EIF2S3: variants seen among roughly 807,000 people sequenced by gnomAD.
The protein encoded by EIF2S3 is eukaryotic translation initiation factor 2 subunit 3.
In EIF2S3, 2 loss-of-function variants were observed where a neutral mutation model predicts 31.7. That is an observed-to-expected ratio of 0.06 (90% confidence interval 0.03 to 0.20). The LOEUF is 0.20. Ranked by LOEUF, EIF2S3 falls within the 10% of genes least tolerant of loss-of-function variation. EIF2S3 has a pLI of 1.00. For missense variants in EIF2S3, 96 were observed against 359.3 expected (o/e 0.27, Z 5.92); for synonymous variants, 120 against 126.7 (o/e 0.95, Z 0.36).
intron 7 of EIF2S3, among the ~76,000 whole-genome samples, chrX:24,064,939 A>C (rs1272802382): frequency 8.9e-6 from 1 of 112,016 alleles, no homozygotes; most frequent in Non-Finnish European, 1.9e-5. Context: ...AGGGTGTTAG[A>C]ACTTCCTGAC....
intron 10 of EIF2S3, among the ~76,000 whole-genome samples, chrX:24,072,869 G>A (rs1930693711): frequency 9.0e-6 from 1 of 111,283 alleles, no homozygotes; most frequent in Non-Finnish European, 1.9e-5. Flanking sequence ...GAGGTACTCT[G>A]GTACGGTTAC....
chrX:24,062,332 C>T, intron 5 of EIF2S3, 84 bp from the exon 6 acceptor site: 1 of 1,053,456 alleles, frequency 9.5e-7, no homozygotes. Context: ...CCATAATTTG[C>T]TTTGTCTCTT....
At position 24,077,621 on chromosome X, in the gene EIF2S3, G is replaced by A. The variant is rs1337983273; in HGVS notation, c.*836G>A. The A allele has an allele frequency of 9.0e-6, 1 of 111,422 alleles. No homozygotes were observed. The highest frequency in any genetic ancestry group is 1.9e-5 in the Non-Finnish European group (1 of 53,133). 9.2% of individuals were successfully genotyped at this position (111,422 alleles called of 1,213,427 possible). ...ATTTTGCATGAAAAGGAAATGAATGGATTCGAATGAAATTGTCCTTTAGAG... is the reference window on the plus strand; with the variant it reads ...ATTTTGCATGAAAAGGAAATGAATGAATTCGAATGAAATTGTCCTTTAGAG... On this transcript the variant is annotated 3_prime_UTR_variant, in exon 12 of 12. Transcript: ENST00000253039.
intron 2 of EIF2S3, among the ~76,000 whole-genome samples, chrX:24,056,551 G>C (rs777212022): frequency 1.1e-4 from 12 of 111,893 alleles, no homozygotes; most frequent in African/African-American, 3.6e-4. Flanking sequence ...GGAAATGCTG[G>C]AAGGTTCCTT....
chrX:24,073,366 T>G, intron 11 of EIF2S3, 103 bp downstream of exon 11: 2 of 1,013,843 alleles, frequency 2.0e-6, no homozygotes. Context: ...TACTGTGGCT[T>G]TCAGTCTCAA....
At chrX:24,060,212 T>C in intron 5 of EIF2S3, 30 bp downstream of exon 5, 1 of 1,113,287 alleles carries the variant, frequency 9.0e-7, no homozygotes, top group Non-Finnish European at 1.2e-6. Flanking sequence ...TTTGGACAAA[T>C]CAATGTGGAA....
rs375249551 is a variant in EIF2S3, at chrX:24,077,270, T to C, written c.*485T>C. On this transcript the variant is annotated 3_prime_UTR_variant, in exon 12 of 12. Coordinates refer to ENST00000253039, the MANE Select transcript of EIF2S3 (RefSeq NM_001415.4). ...TATTAGTAGAGACGGGGTTTCAGCA[T>C]GTTGGCTAGGCCGGTCTCTCCTGAC... 8.9e-6 allele frequency: 1 copy of C among 112,118 alleles called. No homozygotes were observed. The allele number at this position is 112,118 out of a possible 1,213,427, so 9.2% of individuals were successfully genotyped here. A position where few individuals can be genotyped will look rare whatever the true frequency, so the allele number is the denominator to read the frequency against.
intron 9 of EIF2S3, among the ~76,000 whole-genome samples, chrX:24,068,763 T>G (rs1930616679): frequency 8.9e-6 from 1 of 111,815 alleles, no homozygotes; most frequent in Non-Finnish European, 1.9e-5. Flanking sequence ...CTTTTATGTA[T>G]ATTTTGCAAA....
chrX:24,057,347 CTT>C, intron 2 of EIF2S3, 72 bp from the exon 3 acceptor site: 1 of 1,138,758 alleles, frequency 8.8e-7, no homozygotes, highest in Non-Finnish European at 1.2e-6. Flanking sequence ...GTTTTCTACT[CTT>C]AACACTATTT....
At chrX:24,065,973 C>A in intron 7 of EIF2S3, 25 bp from the exon 8 acceptor site, 1 of 1,128,034 alleles carries the variant, frequency 8.9e-7, no homozygotes, top group South Asian at 1.9e-5. Context: ...ATTAACAGAA[C>A]TGACTTTAAT....
At position 24,064,335 on chromosome X, in the gene EIF2S3, G is replaced by C; in HGVS notation, c.772G>C (p.Val258Leu). The C allele has an allele frequency of 1.7e-6, 2 of 1,175,068 alleles. No homozygotes were observed. The highest frequency in any genetic ancestry group is 5.2e-5 in the Admixed American group (2 of 38,832). ...CTTTACTTCAGAGCCCCGGCTTATTGGTAAGTGATAGGATTTGCCTTTAAC... is the reference window on the plus strand; with the variant it reads ...CTTTACTTCAGAGCCCCGGCTTATTCGTAAGTGATAGGATTTGCCTTTAAC... The part of the protein sequence containing the change: ...RDFTSEPRLI[V>L]IRSFDVNKPG... Residue 258 changes from valine to leucine, a missense_variant and splice_region_variant, in exon 7 of 12, where the codon GTT becomes CTT. By Grantham distance (32) the Val-to-Leu change is conservative. This residue lies in a region of EIF2S3 where 30 missense variants were observed against 139.5 expected (regional missense o/e 0.22). Coordinates refer to ENST00000253039, the MANE Select transcript of EIF2S3 (RefSeq NM_001415.4).
intron 9 of EIF2S3, 141 bp from the exon 10 acceptor site, chrX:24,071,417 C>A: frequency 1.7e-6 from 1 of 574,715 alleles, no homozygotes; most frequent in South Asian, 3.7e-5. Flanking sequence ...TCTTTAACTC[C>A]TGAGCTCAGG....
rs890858168 is a variant in EIF2S3, at chrX:24,054,963, G to A, written c.-6G>A. 1.7e-6 allele frequency: 2 copies of A among 1,209,745 alleles called. No individual in the cohort carries two copies. Among genetic ancestry groups the A allele is most frequent in the Non-Finnish European group, 1.1e-6 (1 of 895,112 alleles). ...GCCGGGGTGATTTCCTTCCTCTTTT[G>A]GCAACATGGCGGGCGGAGAAGCTGG... is the stretch of plus-strand genomic sequence containing the variant. On this transcript the variant is annotated 5_prime_UTR_variant, in exon 1 of 12. Transcript: ENST00000253039.
intron 5 of EIF2S3, 69 bp from the exon 6 acceptor site, chrX:24,062,347 G>A (rs1218275919): frequency 4.1e-5 from 46 of 1,113,688 alleles, no homozygotes; most frequent in Non-Finnish European, 5.3e-5. Context: ...TCTCTTTATG[G>A]ATTTGCCCGC....
chrX:24,066,210 A>T (rs1186571598), intron 8 of EIF2S3, 118 bp downstream of exon 8: 5 of 482,476 alleles, frequency 1.0e-5, no homozygotes, highest in Admixed American at 4.6e-5. Context: ...GAAAAATAAA[A>T]TTTTTTCCAT....
chrX:24,070,773 T>C (rs1402693811), intron 9 of EIF2S3, among the ~76,000 whole-genome samples: 1 of 111,918 alleles, frequency 8.9e-6, no homozygotes, highest in Non-Finnish European at 1.9e-5. Flanking sequence ...AATCAGTCTT[T>C]CAGGGGAGAA....
intron 4 of EIF2S3, among the ~76,000 whole-genome samples, chrX:24,058,144 C>T (rs1278387853): frequency 1.8e-5 from 2 of 111,698 alleles, no homozygotes; most frequent in Non-Finnish European, 3.8e-5. Flanking sequence ...AATATGATTG[C>T]ATACCTGTTT....
rs1405875681 is a variant in EIF2S3, at chrX:24,078,408, T to A, written c.*1623T>A. Among the ~76,000 whole-genome samples the A allele has an allele frequency of 9.6e-6, 1 of 104,412 alleles. No individual in the cohort carries two copies. The highest frequency in any genetic ancestry group is 2.0e-5 in the Non-Finnish European group (1 of 50,590). 90.7% of individuals were successfully genotyped at this position (104,412 alleles called of 115,157 possible). Reference sequence around the variant, plus strand: ...CTTGCTGACGTTGCTGGGGAAGCTTTAAAAAAAAAAAAGATGCCCCACAGA... The same window carrying A: ...CTTGCTGACGTTGCTGGGGAAGCTTAAAAAAAAAAAAAGATGCCCCACAGA... On this transcript the variant is annotated 3_prime_UTR_variant, in exon 12 of 12. Coordinates refer to ENST00000253039, the MANE Select transcript of EIF2S3 (RefSeq NM_001415.4).
intron 8 of EIF2S3, among the ~76,000 whole-genome samples, chrX:24,067,371 T>C (rs1930593190): frequency 1.8e-5 from 2 of 111,575 alleles, no homozygotes; most frequent in Non-Finnish European, 3.8e-5. Flanking sequence ...GTCTTTTGAA[T>C]GTGTCTGACT....
Sources: allele counts gnomAD v4.1 joint callset (sites outside exome capture counted in the v4.1 genomes callset), GRCh38; gene constraint gnomAD v4.1.1; regional missense constraint gnomAD v4.1.1; transcripts MANE v1.5; gene names NCBI Gene and HGNC (gene_info 2026-07-23, HGNC 2026-07-21).